Variants in FRMPD4 observed in about 807,000 individuals in gnomAD.
The protein encoded by FRMPD4 is FERM and PDZ domain containing 4.
Under a neutral mutation model 94.1 loss-of-function variants are expected in FRMPD4, and 22 were observed. The observed-to-expected ratio is 0.23, with a 90% confidence interval of 0.17 to 0.33. The LOEUF (loss-of-function observed/expected upper bound fraction) is 0.33, where lower values mean the gene tolerates loss of function less well. Ranked by LOEUF, FRMPD4 falls within the 10% of genes least tolerant of loss-of-function variation. The pLI, the probability that FRMPD4 is intolerant of heterozygous loss-of-function variation, is 1.00. For missense variants in FRMPD4, 1,111 were observed against 1,339.9 expected, an observed-to-expected ratio of 0.83 and a Z score of 2.67; for synonymous variants, 631 against 548.6, an observed-to-expected ratio of 1.15 and a Z score of -2.10.
chrX:12,687,194 A>C (rs978650803), intron 7 of FRMPD4, among the ~76,000 whole-genome samples: 1 of 112,334 alleles, frequency 8.9e-6, no homozygotes, highest in Admixed American at 9.4e-5. Flanking sequence ...TTGAATTGCT[A>C]TAAGTATGTA....
intron 1 of FRMPD4, among the ~76,000 whole-genome samples, chrX:12,175,884 G>T (rs958139208): frequency 8.9e-6 from 1 of 111,768 alleles, no homozygotes; most frequent in Admixed American, 9.5e-5. Flanking sequence ...ACTGTGTCTA[G>T]ATGACTGGTT....
At chrX:12,405,035 T>TA (rs1306025682) in intron 1 of FRMPD4, among the ~76,000 whole-genome samples, 2 of 111,218 alleles carry the variant, frequency 1.8e-5, no homozygotes, top group African/African-American at 6.5e-5. Context: ...CTTGGGGATT[T>TA]AAAAAAAATA....
At chrX:12,680,947 A>G (rs1346615569) in intron 5 of FRMPD4, among the ~76,000 whole-genome samples, 2 of 111,364 alleles carry the variant, frequency 1.8e-5, no homozygotes, top group African/African-American at 3.3e-5. Context: ...TGGGAACACC[A>G]TGGCACTCTA....
chrX:12,089,565 CT>C (rs2055137688), intron 3 of FRMPD4, among the ~76,000 whole-genome samples: 1 of 111,740 alleles, frequency 8.9e-6, no homozygotes, highest in Non-Finnish European at 1.9e-5. Context: ...AGTTGAGTAT[CT>C]TTTCATATGT....
chrX:11,958,414 T>C (rs561783206), intron 3 of FRMPD4, among the ~76,000 whole-genome samples: 1 of 112,019 alleles, frequency 8.9e-6, no homozygotes, highest in Middle Eastern at 4.6e-3. Context: ...GTTGGCTTTA[T>C]AGACAGAAAA....
At chrX:12,566,756 G>A (rs1303079529) in intron 2 of FRMPD4, among the ~76,000 whole-genome samples, 1 of 111,754 alleles carries the variant, frequency 8.9e-6, no homozygotes, top group Non-Finnish European at 1.9e-5. Flanking sequence ...GTTAATAACT[G>A]CCCACTGCTT....
chrX:12,570,650 T>C lies in FRMPD4; in HGVS notation c.159-39071T>C, dbSNP rs748549932. Reference sequence around the variant, plus strand: ...CCACAGTATCAGAGAAGTACTGTTATCTCAGTACAGTAGTCCCCCTTTATT... The same window carrying C: ...CCACAGTATCAGAGAAGTACTGTTACCTCAGTACAGTAGTCCCCCTTTATT... On this transcript the variant is annotated intron_variant, in intron 2 of 16. Coordinates refer to ENST00000675598, the MANE Select transcript of FRMPD4 (RefSeq NM_001368397.1). 8.0e-5 allele frequency among the ~76,000 whole-genome samples: 9 copies of C among 112,217 alleles called. No individual in the cohort carries two copies. In the East Asian group the frequency reaches 2.5e-3, roughly 31 times the overall value.
At chrX:12,064,416 A>G (rs1304177346) in intron 3 of FRMPD4, among the ~76,000 whole-genome samples, 2 of 111,961 alleles carry the variant, frequency 1.8e-5, no homozygotes, top group Non-Finnish European at 3.8e-5. Flanking sequence ...TTATAGAACT[A>G]GAGCTTTTTA....
intron 3 of FRMPD4, among the ~76,000 whole-genome samples, chrX:11,986,514 G>GA (rs2054430275): frequency 1.8e-5 from 2 of 111,274 alleles, no homozygotes; most frequent in Admixed American, 1.9e-4. Flanking sequence ...GCATCTTAAG[G>GA]AACTAGAAAA....
At chrX:12,457,486 C>A (rs1262218908) in intron 1 of FRMPD4, among the ~76,000 whole-genome samples, 1 of 111,695 alleles carries the variant, frequency 9.0e-6, no homozygotes, top group Non-Finnish European at 1.9e-5. Flanking sequence ...AATCACCTCT[C>A]ATTTAATCCT....
intron 3 of FRMPD4, among the ~76,000 whole-genome samples, chrX:12,101,824 G>T (rs910564087): frequency 9.0e-6 from 1 of 111,576 alleles, no homozygotes; most frequent in Non-Finnish European, 1.9e-5. Flanking sequence ...TAAAATTTTG[G>T]TCCTTATTTT....
intron 3 of FRMPD4, among the ~76,000 whole-genome samples, chrX:11,955,789 C>T (rs2054254088): frequency 9.1e-6 from 1 of 109,582 alleles, no homozygotes. Context: ...CAGACATAGG[C>T]AGTTTATCAA....
At chrX:11,909,801 G>C (rs1328444210) in intron 3 of FRMPD4, among the ~76,000 whole-genome samples, 1 of 110,307 alleles carries the variant, frequency 9.1e-6, no homozygotes, top group African/African-American at 3.3e-5. Context: ...GAGTTATTTA[G>C]CATTGTGCTG....
At chrX:12,300,607 T>C (rs1249822370) in intron 1 of FRMPD4, among the ~76,000 whole-genome samples, 3 of 112,378 alleles carry the variant, frequency 2.7e-5, no homozygotes, top group African/African-American at 9.7e-5. Flanking sequence ...TGAACAAATG[T>C]GAGAAAAGAA....
intron 2 of FRMPD4, among the ~76,000 whole-genome samples, chrX:12,558,944 G>C (rs1458130853): frequency 8.9e-6 from 1 of 111,760 alleles, no homozygotes; most frequent in Admixed American, 9.5e-5. Context: ...TAAGTTCCAG[G>C]CATGGTACTG....
chrX:12,364,083 T>C (rs1384888955), intron 1 of FRMPD4, among the ~76,000 whole-genome samples: 1 of 111,368 alleles, frequency 9.0e-6, no homozygotes, highest in Non-Finnish European at 1.9e-5. Context: ...GAAATCTCCA[T>C]TTTTTCTCAA....
chrX:12,232,160 G>A (rs2057017387), intron 1 of FRMPD4, among the ~76,000 whole-genome samples: 1 of 111,544 alleles, frequency 9.0e-6, no homozygotes, highest in African/African-American at 3.3e-5. Flanking sequence ...GGTTTGCCAC[G>A]TTTTGTCTTC....
rs148982685 is a variant in FRMPD4, at chrX:12,151,888, G to A, written c.41+12876G>A. On this transcript the variant is annotated intron_variant, in intron 1 of 16. Transcript: ENST00000675598. ...TACAGCTAAGTCTTTGGATTTCATG[G>A]GCAGATTTTTTTCTTATGGCATCAA... is the stretch of plus-strand genomic sequence containing the variant. Among the ~76,000 whole-genome samples, 611 of 111,729 alleles carry A rather than the reference G, an allele frequency of 5.5e-3. 2 individuals are homozygous for A. Among genetic ancestry groups the A allele is most frequent in the Non-Finnish European group, 9.8e-3 (521 of 53,097 alleles).
At chrX:12,468,089 T>G (rs1164259413) in intron 1 of FRMPD4, among the ~76,000 whole-genome samples, 1 of 112,248 alleles carries the variant, frequency 8.9e-6, no homozygotes, top group African/African-American at 3.2e-5. Flanking sequence ...TCAGTGAATT[T>G]GCAGGAATTA....
Sources: allele counts gnomAD v4.1 joint callset (sites outside exome capture counted in the v4.1 genomes callset), GRCh38; gene constraint gnomAD v4.1.1; transcripts MANE v1.5; gene names NCBI Gene and HGNC (gene_info 2026-07-23, HGNC 2026-07-21).